The following ZNF438 variants were observed in gnomAD, a reference collection of about 807,000 sequenced individuals.
ZNF438 encodes zinc finger protein 438.
A neutral mutation model predicts 38.0 loss-of-function variants in ZNF438; 25 were observed. That is an observed-to-expected ratio of 0.66 (90% confidence interval 0.48 to 0.92). The LOEUF is 0.92. ZNF438 is among the 40% of genes least tolerant of loss of function. ZNF438 has a pLI of 0.00. For missense variants in ZNF438, 1,007 were observed against 999.6 expected (o/e 1.01, Z -0.10); for synonymous variants, 372 against 364.1 (o/e 1.02, Z -0.25).
At chr10:30,978,872 A>G (rs2051756152) in intron 1 of ZNF438, among the ~76,000 whole-genome samples, 1 of 152,236 alleles carries the variant, frequency 6.6e-6, no homozygotes, top group African/African-American at 2.4e-5. Context: ...CAAGAGAGTC[A>G]GCTTCTCCTT....
intron 1 of ZNF438, among the ~76,000 whole-genome samples, chr10:31,025,135 A>T (rs2056855499): frequency 6.6e-6 from 1 of 152,200 alleles, no homozygotes; most frequent in African/African-American, 2.4e-5. Flanking sequence ...TTGCCACTTA[A>T]AACTACCACC....
chr10:30,896,058 T>G (rs969981525), intron 3 of ZNF438, among the ~76,000 whole-genome samples: 4 of 152,034 alleles, frequency 2.6e-5, no homozygotes, highest in African/African-American at 9.7e-5. Flanking sequence ...TCCCAGTACT[T>G]TGGGAGGCCG....
chr10:30,846,681 C>T (rs1002750110), intron 5 of ZNF438, among the ~76,000 whole-genome samples: 10 of 152,188 alleles, frequency 6.6e-5, no homozygotes, highest in African/African-American at 2.2e-4. Context: ...CCCAGGCACC[C>T]CTGTGCTCTT....
exon 5 of ZNF438, chr10:30,849,553 G>A: frequency 6.2e-7 from 1 of 1,614,236 alleles, no homozygotes; most frequent in Non-Finnish European, 8.5e-7. Context: ...GGACTGAAGA[G>A]ATCAACTGAA....
At chr10:30,902,510 A>T (rs1373420253) in intron 3 of ZNF438, among the ~76,000 whole-genome samples, 1 of 152,172 alleles carries the variant, frequency 6.6e-6, no homozygotes, top group African/African-American at 2.4e-5. Context: ...CAGAGCACTG[A>T]CTGGTGCATT....
intron 1 of ZNF438, among the ~76,000 whole-genome samples, chr10:30,973,592 C>A (rs1249360221): frequency 2.6e-5 from 4 of 152,112 alleles, no homozygotes; most frequent in Non-Finnish European, 4.4e-5. Flanking sequence ...AAACAAAACA[C>A]ATTTCTGAAA....
chr10:30,916,809 A>C (rs1370208013), intron 2 of ZNF438, among the ~76,000 whole-genome samples: 2 of 152,068 alleles, frequency 1.3e-5, no homozygotes, highest in African/African-American at 4.8e-5. Flanking sequence ...TCTATGCCTC[A>C]GAGTGGAGTT....
intron 1 of ZNF438, among the ~76,000 whole-genome samples, chr10:30,971,828 T>C (rs1484125502): frequency 2.0e-5 from 3 of 152,212 alleles, no homozygotes; most frequent in Non-Finnish European, 2.9e-5. Flanking sequence ...CCACTCGGTG[T>C]ATTTAATCAA....
intron 2 of ZNF438, among the ~76,000 whole-genome samples, chr10:30,916,361 T>C (rs1014646648): frequency 1.3e-5 from 2 of 152,062 alleles, no homozygotes; most frequent in African/African-American, 4.8e-5. Context: ...ACATACCAAA[T>C]AGTATTTTCA....
intron 1 of ZNF438, among the ~76,000 whole-genome samples, chr10:30,993,186 G>T (rs1354007552): frequency 6.6e-6 from 1 of 152,176 alleles, no homozygotes; most frequent in Admixed American, 6.5e-5. Context: ...TTGATACAAG[G>T]GACCCAGAGG....
chr10:30,989,580 T>C (rs970812343), intron 1 of ZNF438, among the ~76,000 whole-genome samples: 1 of 152,144 alleles, frequency 6.6e-6, no homozygotes, highest in Non-Finnish European at 1.5e-5. Flanking sequence ...CTCTAAATGG[T>C]TGCTGAATAA....
exon 5 of ZNF438, chr10:30,849,480 T>G (rs1299529963): frequency 6.2e-7 from 1 of 1,614,240 alleles, no homozygotes; most frequent in Non-Finnish European, 8.5e-7. Flanking sequence ...GCATCTGATT[T>G]GATTTTGTAA....
chr10:30,981,903 T>C (rs2052206764), intron 1 of ZNF438, among the ~76,000 whole-genome samples: 1 of 151,606 alleles, frequency 6.6e-6, no homozygotes, highest in Non-Finnish European at 1.5e-5. Context: ...GTTCAATATA[T>C]ACTAGCTATT....
At chr10:30,951,131 G>A (rs972180817) in intron 1 of ZNF438, among the ~76,000 whole-genome samples, 8 of 149,186 alleles carry the variant, frequency 5.4e-5, no homozygotes, top group Non-Finnish European at 1.2e-4. Flanking sequence ...CATATAAACA[G>A]AGCCAAAGAC....
chr10:30,919,473 A>T (rs1421626948), intron 2 of ZNF438: 1 of 152,126 alleles, frequency 6.6e-6, no homozygotes, highest in Non-Finnish European at 1.5e-5. Context: ...ATCCTTTAAG[A>T]TGCACTTCTG....
intron 4 of ZNF438, among the ~76,000 whole-genome samples, chr10:30,872,340 C>A (rs1256895492): frequency 5.5e-5 from 8 of 144,348 alleles, no homozygotes; most frequent in African/African-American, 2.0e-4. Flanking sequence ...GCAGAAGAAT[C>A]ACTTGAACCC....
chr10:30,985,442 G>A (rs535179217), intron 1 of ZNF438, among the ~76,000 whole-genome samples: 2 of 152,282 alleles, frequency 1.3e-5, no homozygotes, highest in South Asian at 4.1e-4. Flanking sequence ...AGTGAAAACT[G>A]GTTGGCTCCA....
At chr10:31,030,094 C>A (rs191377522) in intron 1 of ZNF438, among the ~76,000 whole-genome samples, 1 of 152,260 alleles carries the variant, frequency 6.6e-6, no homozygotes, top group East Asian at 1.9e-4. Flanking sequence ...CAGAATAGTG[C>A]CTTACATATG....
chr10:30,895,771 A>C (rs1186904333), intron 3 of ZNF438, among the ~76,000 whole-genome samples: 1 of 152,218 alleles, frequency 6.6e-6, no homozygotes, highest in Non-Finnish European at 1.5e-5. Flanking sequence ...TAATTAGAAA[A>C]ATGCAAATCA....
Sources: allele counts gnomAD v4.1 joint callset (sites outside exome capture counted in the v4.1 genomes callset), GRCh38; gene constraint gnomAD v4.1.1; transcripts MANE v1.5; gene names NCBI Gene and HGNC (gene_info 2026-07-23, HGNC 2026-07-21).